DYNC2I2: variants seen among roughly 807,000 people sequenced by gnomAD.
DYNC2I2 encodes cytoplasmic dynein 2 intermediate chain 2.
Under a neutral mutation model 52.0 loss-of-function variants are expected in DYNC2I2, and 39 were observed. The observed-to-expected ratio is 0.75, with a 90% CI of 0.58 to 0.98. The LOEUF (loss-of-function observed/expected upper bound fraction) is 0.98, where lower values mean the gene tolerates loss of function less well. Among genes scored for constraint, DYNC2I2 ranks in the 50% least tolerant of loss-of-function variants. DYNC2I2 has a pLI of 0.00. For synonymous variants in DYNC2I2, 359 were observed against 321.1 expected (o/e 1.12, Z -1.26); for missense variants, 743 against 728.4 (o/e 1.02, Z -0.23).
the DYNC2I2 span, among the ~76,000 whole-genome samples, chr9:128,664,927 C>G: frequency 6.6e-6 from 1 of 151,746 alleles, no homozygotes; most frequent in East Asian, 2.0e-4. Flanking sequence ...AGTTCAAGAC[C>G]AGCCTGGGCA....
chr9:128,635,725 C>T lies in DYNC2I2; in HGVS notation c.746G>A (p.Arg249His), dbSNP rs774756722. ...SGEVLVWDLS[R>H]LEDPLLWRTG... ...GCGCCACAGCAGCGGGTCCTCAAGA[C>T]GGCTCAGGTCCCACACCAACACCTC... Residue 249 changes from arginine to histidine, a missense_variant, in exon 5 of 9, where the codon CGT (arginine) becomes CAT (histidine). Physicochemically the swap from Arg to His is conservative, Grantham distance 29 (BLOSUM62 0). Coordinates refer to ENST00000372715, the MANE Select transcript of DYNC2I2 (RefSeq NM_052844.4). 57 of 1,613,028 alleles carry T rather than the reference C, an allele frequency of 3.5e-5. No individual in the cohort carries two copies. In the Admixed American group the frequency reaches 6.8e-4, roughly 19 times the overall value.
chr9:128,656,660 TCGCCAGCGCCGCAA>T lies in DYNC2I2; in HGVS notation c.53_66del (p.Val18AspfsTer82). The T allele has an allele frequency of 6.6e-7, 1 of 1,510,910 alleles. No homozygotes were observed. Among genetic ancestry groups the T allele is most frequent in the Non-Finnish European group, 8.8e-7 (1 of 1,138,534 alleles). 93.6% of individuals were successfully genotyped at this position (1,510,910 alleles called of 1,614,324 possible). On this transcript the variant is annotated frameshift_variant, in exon 1 of 9. Coordinates refer to ENST00000372715, the MANE Select transcript of DYNC2I2 (RefSeq NM_052844.4). LOFTEE classifies it high-confidence loss of function. The stretch of plus-strand genomic sequence containing the variant: ...CCCGGGCCGCTCGCAACCCCGACTG[TCGCCAGCGCCGCAA>T]CACCAGCGCTTCCCGCCTGGCTGAG...
chr9:128,683,940 A>C, the DYNC2I2 span: 1 of 1,556,964 alleles, frequency 6.4e-7, no homozygotes, highest in Admixed American at 1.9e-5. Context: ...AAAAGAAGAA[A>C]CCAAGACCAC....
At chr9:128,636,066 T>C (rs1860403587) in intron 4 of DYNC2I2, 2 of 834,996 alleles carry the variant, frequency 2.4e-6, no homozygotes, top group South Asian at 3.0e-5. Flanking sequence ...CAGCCCCCTG[T>C]CCTGGCCCCG....
the DYNC2I2 span, among the ~76,000 whole-genome samples, chr9:128,678,183 C>T: frequency 6.6e-6 from 1 of 151,458 alleles, no homozygotes; most frequent in Non-Finnish European, 1.5e-5. Context: ...GTTTCTCCTG[C>T]CTCAGCCTCC....
At chr9:128,680,752 G>A in the DYNC2I2 span, among the ~76,000 whole-genome samples, 1 of 151,778 alleles carries the variant, frequency 6.6e-6, no homozygotes, top group East Asian at 1.9e-4. Context: ...TCGGTTCACT[G>A]CAACCTCCAC....
Position 128,643,699 on chromosome 9 carries a change from G to A in DYNC2I2, c.187-2760C>T, listed in dbSNP as rs116219189. On this transcript the variant is annotated intron_variant, in intron 1 of 8. Coordinates refer to ENST00000372715, the MANE Select transcript of DYNC2I2 (RefSeq NM_052844.4). ...CAGAGCAAGTAAAGCCCAAGACGACGTGTTGGACTCTGGGAATCGTGGAAA... is the reference window on the plus strand; with the variant it reads ...CAGAGCAAGTAAAGCCCAAGACGACATGTTGGACTCTGGGAATCGTGGAAA... Among the ~76,000 whole-genome samples, 594 of 152,174 alleles carry A rather than the reference G, an allele frequency of 3.9e-3. 4 individuals carry two copies. Among genetic ancestry groups the A allele is most frequent in the African/African-American group, 0.013 (524 of 41,522 alleles).
intron 1 of DYNC2I2, among the ~76,000 whole-genome samples, chr9:128,645,725 A>G (rs1860604504): frequency 1.3e-5 from 2 of 152,010 alleles, no homozygotes; most frequent in Admixed American, 1.3e-4. Flanking sequence ...TTCAAAAGCT[A>G]GACATGATTA....
chr9:128,636,258 G>A, intron 4 of DYNC2I2, 23 bp downstream of exon 4: 1 of 1,555,384 alleles, frequency 6.4e-7, no homozygotes, highest in Non-Finnish European at 8.7e-7. Flanking sequence ...GAGGAGAGGA[G>A]GCGGACACAG....
upstream of DYNC2I2, among the ~76,000 whole-genome samples, chr9:128,657,297 GC>G (rs1860851349): frequency 1.3e-5 from 2 of 152,184 alleles, no homozygotes; most frequent in African/African-American, 4.8e-5. Flanking sequence ...ACAGAAACAT[GC>G]TTATTAAATC....
the DYNC2I2 span, among the ~76,000 whole-genome samples, chr9:128,669,319 T>G: frequency 1.3e-5 from 2 of 151,884 alleles, no homozygotes; most frequent in African/African-American, 2.4e-5. Flanking sequence ...GAGCCGAGAT[T>G]GCGCCACTGC....
chr9:128,661,556 T>G (rs1227997093), upstream of DYNC2I2, among the ~76,000 whole-genome samples: 2 of 152,000 alleles, frequency 1.3e-5, no homozygotes, highest in Admixed American at 1.3e-4. Flanking sequence ...AAGTGGAGGT[T>G]GGAGTGAGCC....
the DYNC2I2 span, among the ~76,000 whole-genome samples, chr9:128,681,763 A>C: frequency 6.6e-6 from 1 of 152,104 alleles, no homozygotes; most frequent in African/African-American, 2.4e-5. Flanking sequence ...TGTGACCCCC[A>C]GACAAGCGGC....
At chr9:128,679,299 TAGA>T in the DYNC2I2 span, among the ~76,000 whole-genome samples, 1 of 151,880 alleles carries the variant, frequency 6.6e-6, no homozygotes, top group Non-Finnish European at 1.5e-5. Context: ...CAAAATGCAT[TAGA>T]AGGAGCCCAG....
At chr9:128,639,573 G>A (rs1292465820) in intron 2 of DYNC2I2, among the ~76,000 whole-genome samples, 2 of 152,150 alleles carry the variant, frequency 1.3e-5, no homozygotes, top group East Asian at 3.8e-4. Flanking sequence ...CTGGAGCTGT[G>A]TGTGTGGACC....
chr9:128,678,448 ATTTTTTTTT>A, the DYNC2I2 span, among the ~76,000 whole-genome samples: 28 of 61,382 alleles, frequency 4.6e-4, no homozygotes, highest in African/African-American at 1.9e-3. Context: ...ACCACAGGTA[ATTTTTTTTT>A]TTTTTTTTTT....
At chr9:128,653,665 G>A (rs2132182264) in intron 1 of DYNC2I2, among the ~76,000 whole-genome samples, 1 of 151,070 alleles carries the variant, frequency 6.6e-6, no homozygotes, top group Non-Finnish European at 1.5e-5. Flanking sequence ...GCAGTGAGCT[G>A]AGATCACGCC....
chr9:128,665,714 G>A, the DYNC2I2 span, among the ~76,000 whole-genome samples: 1 of 147,508 alleles, frequency 6.8e-6, no homozygotes, highest in African/African-American at 2.5e-5. Context: ...AGGTTGCAGT[G>A]AGCCGAGATT....
At chr9:128,666,250 TGG>T in the DYNC2I2 span, among the ~76,000 whole-genome samples, 1 of 147,424 alleles carries the variant, frequency 6.8e-6, no homozygotes. Context: ...GGCATGGTGG[TGG>T]GCGCCTGTAA....
Sources: allele counts gnomAD v4.1 joint callset (sites outside exome capture counted in the v4.1 genomes callset), GRCh38; gene constraint gnomAD v4.1.1; transcripts MANE v1.5; gene names NCBI Gene and HGNC (gene_info 2026-07-23, HGNC 2026-07-21).